ROBO1: variants seen among roughly 807,000 people sequenced by gnomAD.
The protein encoded by ROBO1 is roundabout guidance receptor 1.
A neutral mutation model predicts 195.9 loss-of-function variants in ROBO1; 149 were observed. The ratio of observed to expected loss-of-function variants is 0.76; its 90% CI spans 0.67 to 0.87. The LOEUF (loss-of-function observed/expected upper bound fraction) is 0.87. ROBO1 is among the 40% of genes least tolerant of loss of function. The pLI, the probability that ROBO1 is intolerant of heterozygous loss-of-function variation, is 0.00. For missense variants in ROBO1, 1,933 were observed against 2,068.3 expected, an observed-to-expected ratio of 0.93 and a Z score of 1.27; for synonymous variants, 816 against 733.2, an observed-to-expected ratio of 1.11 and a Z score of -1.82.
chr3:78,915,120 A>G (rs1212416324), intron 4 of ROBO1, among the ~76,000 whole-genome samples: 1 of 152,172 alleles, frequency 6.6e-6, no homozygotes, highest in Non-Finnish European at 1.5e-5. Context: ...AAACACTATC[A>G]TCTATTATGA....
chr3:79,704,414 A>T (rs893765000), intron 1 of ROBO1, among the ~76,000 whole-genome samples: 1 of 151,912 alleles, frequency 6.6e-6, no homozygotes, highest in African/African-American at 2.4e-5. Flanking sequence ...CTTTTCTAGA[A>T]TATCATATGA....
At chr3:78,742,486 T>C (rs374219073) in intron 5 of ROBO1, among the ~76,000 whole-genome samples, 20 of 152,160 alleles carry the variant, frequency 1.3e-4, no homozygotes, top group Non-Finnish European at 2.9e-5. Flanking sequence ...AGGAAGAAAA[T>C]AAAACAAAAA....
chr3:79,459,840 C>G (rs559577982), intron 2 of ROBO1, among the ~76,000 whole-genome samples: 1 of 152,034 alleles, frequency 6.6e-6, no homozygotes, highest in Non-Finnish European at 1.5e-5. Context: ...TGACCCGGAA[C>G]CTGGCAGCCA....
At chr3:78,646,807 T>C (rs751824273) in intron 20 of ROBO1, among the ~76,000 whole-genome samples, 1 of 151,978 alleles carries the variant, frequency 6.6e-6, no homozygotes, top group African/African-American at 2.4e-5. Flanking sequence ...AATCAAAATA[T>C]ATTATAATGC....
intron 4 of ROBO1, among the ~76,000 whole-genome samples, chr3:78,848,103 C>T (rs986878211): frequency 7.9e-5 from 12 of 152,038 alleles, no homozygotes; most frequent in Admixed American, 4.6e-4. Context: ...ACTGAGAACA[C>T]AGGAAATATT....
intron 2 of ROBO1, among the ~76,000 whole-genome samples, chr3:79,275,470 G>GTGACA (rs1029638411): frequency 1.3e-4 from 20 of 151,904 alleles, no homozygotes; most frequent in African/African-American, 4.3e-4. Context: ...GGGTATAGAT[G>GTGACA]TGACATGCCA....
chr3:79,669,957 A>G (rs1946585765), intron 1 of ROBO1, among the ~76,000 whole-genome samples: 1 of 151,882 alleles, frequency 6.6e-6, no homozygotes, highest in East Asian at 1.9e-4. Flanking sequence ...TTTAGAAGAG[A>G]CATTTTCCCA....
chr3:78,947,762 T>A (rs559424071), intron 3 of ROBO1, among the ~76,000 whole-genome samples: 189 of 151,854 alleles, frequency 1.2e-3, no homozygotes, highest in African/African-American at 4.2e-3. Flanking sequence ...TCAACAAAAC[T>A]GATAGACCGC....
At chr3:79,611,296 A>C (rs1264669896) in intron 1 of ROBO1, among the ~76,000 whole-genome samples, 1 of 152,114 alleles carries the variant, frequency 6.6e-6, no homozygotes, top group Admixed American at 6.6e-5. Flanking sequence ...TATCATGTTT[A>C]TACCTCATAA....
intron 26 of ROBO1, among the ~76,000 whole-genome samples, chr3:78,624,785 T>C (rs1160240240): frequency 6.6e-6 from 1 of 151,876 alleles, no homozygotes; most frequent in Non-Finnish European, 1.5e-5. Flanking sequence ...GAACAGACTC[T>C]TATGAAGAGT....
At chr3:79,706,878 C>G (rs1318746625) in intron 1 of ROBO1, among the ~76,000 whole-genome samples, 1 of 152,042 alleles carries the variant, frequency 6.6e-6, no homozygotes, top group Non-Finnish European at 1.5e-5. Flanking sequence ...TTGTATAACA[C>G]TTTTTCTACC....
chr3:79,211,834 G>GAC (rs930314986), intron 2 of ROBO1, among the ~76,000 whole-genome samples: 6 of 152,004 alleles, frequency 3.9e-5, no homozygotes, highest in African/African-American at 1.4e-4. Context: ...AGGAATTAAA[G>GAC]ACACACACAC....
chr3:79,719,463 G>T (rs946002810), intron 1 of ROBO1, among the ~76,000 whole-genome samples: 2 of 151,970 alleles, frequency 1.3e-5, no homozygotes, highest in African/African-American at 2.4e-5. Context: ...CCTTTCAGAA[G>T]GAAAACTTTT....
At chr3:79,510,749 A>G (rs1268304562) in intron 2 of ROBO1, among the ~76,000 whole-genome samples, 2 of 152,158 alleles carry the variant, frequency 1.3e-5, no homozygotes, top group East Asian at 1.9e-4. Flanking sequence ...AATGAAAATT[A>G]TACAAGTTAT....
intron 4 of ROBO1, among the ~76,000 whole-genome samples, chr3:78,904,569 A>T (rs1427857911): frequency 1.3e-5 from 2 of 152,030 alleles, no homozygotes; most frequent in Non-Finnish European, 2.9e-5. Context: ...AATAAGCCGC[A>T]AAAGTAGCTC....
At chr3:79,244,873 T>C (rs910943799) in intron 2 of ROBO1, among the ~76,000 whole-genome samples, 3 of 152,090 alleles carry the variant, frequency 2.0e-5, no homozygotes, top group Non-Finnish European at 4.4e-5. Context: ...TCATTTTTTT[T>C]CCACTTTATT....
Position 79,013,627 on chromosome 3 carries a change from T to C in ROBO1, c.173-74700A>G, listed in dbSNP as rs139061861. ...CATTTCTCTCTTTCGACTAGGAAAATGCACAGTAGTTGAGAGTTTTAGAGC... is the reference window on the plus strand; with the variant it reads ...CATTTCTCTCTTTCGACTAGGAAAACGCACAGTAGTTGAGAGTTTTAGAGC... On this transcript the variant is annotated intron_variant, in intron 3 of 30. Coordinates refer to ENST00000464233, the MANE Select transcript of ROBO1 (RefSeq NM_002941.4). 2.7e-3 allele frequency among the ~76,000 whole-genome samples: 407 copies of C among 152,330 alleles called. 4 individuals carry two copies. The highest frequency in any genetic ancestry group is 9.2e-3 in the African/African-American group (381 of 41,586).
chr3:79,182,867 C>T (rs1283324469), intron 2 of ROBO1, among the ~76,000 whole-genome samples: 1 of 151,810 alleles, frequency 6.6e-6, no homozygotes, highest in Admixed American at 6.6e-5. Flanking sequence ...ATCACGAGGT[C>T]AGGAGAGGAG....
intron 3 of ROBO1, among the ~76,000 whole-genome samples, chr3:79,086,521 TC>T (rs2079373945): frequency 1.3e-5 from 2 of 152,106 alleles, no homozygotes; most frequent in East Asian, 3.9e-4. Context: ...ACAAGACATA[TC>T]ACATTATCTA....
Sources: gnomAD v4.1 joint callset for allele counts (sites outside exome capture counted in the v4.1 genomes callset) on GRCh38, gnomAD v4.1.1 for gene constraint, MANE v1.5 for transcripts, NCBI Gene and HGNC (gene_info 2026-07-23, HGNC 2026-07-21) for gene names.